MCHR1: variants seen among roughly 807,000 people sequenced by gnomAD.
MCHR1 encodes melanin concentrating hormone receptor 1.
MCHR1 carries 13 observed loss-of-function variants against 20.4 expected under a neutral mutation model. The ratio of observed to expected loss-of-function variants is 0.64; its 90% CI spans 0.41 to 1.01. The LOEUF is 1.01. Ranked by LOEUF, MCHR1 falls within the 50% of genes least tolerant of loss-of-function variation. The probability of loss-of-function intolerance (pLI) is 0.00; values close to 1 mark genes in which losing one functional copy is unlikely to be tolerated. For missense variants in MCHR1, 472 were observed against 477.0 expected, an observed-to-expected ratio of 0.99 and a Z score of 0.10; for synonymous variants, 215 against 204.4, an observed-to-expected ratio of 1.05 and a Z score of -0.44.
chr22:40,679,533 C>CTTT lies in MCHR1; in HGVS notation c.-118_-117insTTT. The CTTT allele has an allele frequency of 6.2e-7, 1 of 1,613,934 alleles. No homozygotes were observed. The highest frequency in any genetic ancestry group is 8.5e-7 in the Non-Finnish European group (1 of 1,179,872). The stretch of plus-strand genomic sequence containing the variant: ...CTGCCAGGCTACGGAGGAAGACCCC[C>CTTT]TTCCCAACTGCGGGGCTTGCGCTCC... On this transcript the variant is annotated 5_prime_UTR_variant, in exon 1 of 2. Coordinates refer to ENST00000249016, the MANE Select transcript of MCHR1 (RefSeq NM_005297.4).
At chr22:40,680,181 A>T (rs1042796797) in intron 1 of MCHR1, 1 of 273,952 alleles carries the variant, frequency 3.7e-6, no homozygotes, top group Non-Finnish European at 7.1e-6. Flanking sequence ...TGGGAAGGGA[A>T]GACTTCACAG....
chr22:40,681,520 C>T lies in MCHR1; in HGVS notation c.654C>T (p.Ala218=). The T allele has an allele frequency of 6.2e-7, 1 of 1,612,528 alleles. No homozygotes were observed. Among genetic ancestry groups the T allele is most frequent in the South Asian group, 1.1e-5 (1 of 91,090 alleles). Residue 218 remains alanine (A), a synonymous_variant, in exon 2 of 2, where the codon GCC becomes GCT. Transcript: ENST00000249016. The surrounding 1 kb of genome is among the most constrained non-coding windows in gnomAD (Gnocchi z 4.3). Reference sequence around the variant, plus strand: ...TGTACCAGTTTTTCCTGGCCTTTGCCCTGCCTTTTGTGGTCATCACAGCCG... The same window carrying T: ...TGTACCAGTTTTTCCTGGCCTTTGCTCTGCCTTTTGTGGTCATCACAGCCG... The part of the protein sequence containing the change: ...FTLYQFFLAF[A]LPFVVITAAY...
chr22:40,679,666 C>G lies in MCHR1; in HGVS notation c.14C>G (p.Ala5Gly). MDLE[A>G]SLLPTGPNAS... ...GGCACTGGCTGGATGGACCTGGAAG[C>G]CTCGCTGCTGCCCACTGGTCCCAAC... is the stretch of plus-strand genomic sequence containing the variant. The change falls in exon 1 of 2, where the codon GCC (alanine) becomes GGC (glycine). Residue 5 changes from alanine (A) to glycine (G), a missense_variant. Ala to Gly is a moderately conservative substitution (Grantham distance 60). Transcript: ENST00000249016. 6.2e-7 allele frequency: 1 copy of G among 1,614,108 alleles called. No homozygotes were observed. Among genetic ancestry groups the G allele is most frequent in the Non-Finnish European group, 8.5e-7 (1 of 1,179,998 alleles).
Position 40,682,714 on chromosome 22 carries a change from T to C in MCHR1, c.*786T>C, listed in dbSNP as rs111800111. The C allele has an allele frequency of 5.9e-3, 899 of 152,664 alleles. 8 individuals are homozygous for C. The highest frequency in any genetic ancestry group is 0.051 in the Middle Eastern group (15 of 294). 9.5% of individuals were successfully genotyped at this position (152,664 alleles called of 1,614,324 possible). On this transcript the variant is annotated 3_prime_UTR_variant, in exon 2 of 2. Coordinates refer to ENST00000249016, the MANE Select transcript of MCHR1 (RefSeq NM_005297.4). The stretch of plus-strand genomic sequence containing the variant: ...AGCTTGAGTGTCCGTGTGTTCTGCA[T>C]GTGCAGGGGTCATTCTAGTGCCCGG...
chr22:40,682,034 G>A lies in MCHR1; in HGVS notation c.*106G>A, dbSNP rs202246073. ...ACCGCTCGGGAAATGCAGGAAGGCC[G>A]GGTTGTGAGGGGTTGTTGCAATGAA... On this transcript the variant is annotated 3_prime_UTR_variant, in exon 2 of 2. Transcript: ENST00000249016. 1.3e-5 allele frequency: 17 copies of A among 1,359,052 alleles called. No homozygotes were observed. The highest frequency in any genetic ancestry group is 5.8e-5 in the Admixed American group (3 of 51,696). The allele number at this position is 1,359,052 out of a possible 1,614,324, so 84.2% of individuals were successfully genotyped here. A position where few individuals can be genotyped will look rare whatever the true frequency, so the allele number is the denominator to read the frequency against.
In MCHR1 at chr22:40,681,121, C is replaced by T; in HGVS notation, c.255C>T (p.Leu85=). The T allele has an allele frequency of 6.2e-7, 1 of 1,614,164 alleles. No homozygotes were observed. The highest frequency in any genetic ancestry group is 8.5e-7 in the Non-Finnish European group (1 of 1,180,028). ...NNVPDIFIIN[L]SVVDLLFLLG... ...TCCCCGACATCTTCATCATCAACCTCTCGGTAGTAGATCTCCTCTTTCTCC... is the reference window on the plus strand; with the variant it reads ...TCCCCGACATCTTCATCATCAACCTTTCGGTAGTAGATCTCCTCTTTCTCC... Residue 85 remains leucine, a synonymous_variant, in exon 2 of 2, where the codon CTC becomes CTT. Coordinates refer to ENST00000249016, the MANE Select transcript of MCHR1 (RefSeq NM_005297.4). This position sits in a 1 kb window ranked among gnomAD's most constrained non-coding sequence, Gnocchi z 4.3.
chr22:40,680,109 C>T, intron 1 of MCHR1: 1 of 358,412 alleles, frequency 2.8e-6, no homozygotes, highest in Non-Finnish European at 5.4e-6. Flanking sequence ...TTAGCCTCAG[C>T]TTTTTACTCC....
rs201175233 is a variant in MCHR1, at chr22:40,681,883, C to T, written c.1017C>T (p.Asn339=). ...AGGGGCAGCTTCGCGCTGTCAGCAA[C>T]GCTCAGACGGCTGACGAGGAGAGGA... ...AAQGQLRAVS[N]AQTADEERTE... Residue 339 remains asparagine, a synonymous_variant, in exon 2 of 2, where the codon AAC becomes AAT. Coordinates refer to ENST00000249016, the MANE Select transcript of MCHR1 (RefSeq NM_005297.4). This position sits in a 1 kb window ranked among gnomAD's most constrained non-coding sequence, Gnocchi z 4.3. The T allele has an allele frequency of 4.0e-5, 64 of 1,612,838 alleles. No homozygotes were observed. Among genetic ancestry groups the T allele is most frequent in the South Asian group, 1.1e-4 (10 of 91,086 alleles).
rs146628737 is a variant in MCHR1, at chr22:40,679,584, C to G, written c.-69C>G. On this transcript the variant is annotated 5_prime_UTR_variant, in exon 1 of 2. Transcript: ENST00000249016. ...GGGACAAGGTGGCAGGCGCTGGAGG[C>G]TGCCGCAGCCTGCGTGGGTGGAGGG... 9.3e-5 allele frequency: 150 copies of G among 1,613,704 alleles called. No individual in the cohort carries two copies. In the African/African-American group the frequency reaches 1.7e-3, roughly 18 times the overall value.
chr22:40,679,498 G>A lies in MCHR1; in HGVS notation c.-155G>A. The A allele has an allele frequency of 6.2e-7, 1 of 1,614,150 alleles. No homozygotes were observed. The highest frequency in any genetic ancestry group is 1.1e-5 in the South Asian group (1 of 91,078). On this transcript the variant is annotated 5_prime_UTR_variant, in exon 1 of 2. Transcript: ENST00000249016. The stretch of plus-strand genomic sequence containing the variant: ...GTGGGGAGGGCAGTTGGGCTTGGAG[G>A]CGGCAGCGGCTGCCAGGCTACGGAG...
At chr22:40,680,061 G>A (rs2147489302) in intron 1 of MCHR1, 2 of 433,656 alleles carry the variant, frequency 4.6e-6, no homozygotes, top group Admixed American at 3.5e-5. Context: ...GCTGGAGGGT[G>A]GTATGTGGGA....
intron 1 of MCHR1, chr22:40,680,671 C>A: frequency 1.4e-6 from 1 of 698,188 alleles, no homozygotes; most frequent in Non-Finnish European, 1.8e-6. Flanking sequence ...ACAGAGTAAT[C>A]TCTGCAGACA....
In MCHR1 at chr22:40,680,121, A is replaced by T. The variant is rs527781127; in HGVS notation, c.82+387A>T. On this transcript the variant is annotated intron_variant, in intron 1 of 1. Coordinates refer to ENST00000249016, the MANE Select transcript of MCHR1 (RefSeq NM_005297.4). ...CTGTTAGCCTCAGCTTTTTACTCCC[A>T]CTTGGATGATGAGGTCTGAGACATC... 1.4e-5 allele frequency: 5 copies of T among 348,458 alleles called. No homozygotes were observed. The East Asian group carries it at 3.6e-4, about 25-fold the overall frequency. 21.6% of individuals were successfully genotyped at this position (348,458 alleles called of 1,614,324 possible). A position where few individuals can be genotyped will look rare whatever the true frequency, so the allele number is the denominator to read the frequency against.
At position 40,679,624 on chromosome 22, in the gene MCHR1, TG is replaced by T. The variant is rs1177916673; in HGVS notation, c.-28del. ...TGGGTGGAGGGGAGCTCAGCTCGGT[TG>T]TGGGAGCAGGCGACCGGCACTGGCT... On this transcript the variant is annotated 5_prime_UTR_variant, in exon 1 of 2. Coordinates refer to ENST00000249016, the MANE Select transcript of MCHR1 (RefSeq NM_005297.4). 1.2e-6 allele frequency: 2 copies of T among 1,613,714 alleles called. No individual in the cohort carries two copies. Among genetic ancestry groups the T allele is most frequent in the Non-Finnish European group, 1.7e-6 (2 of 1,179,868 alleles).
Position 40,681,241 on chromosome 22 carries a change from T to C in MCHR1, c.375T>C (p.Asn125=), listed in dbSNP as rs1161808501. Residue 125 remains asparagine, a synonymous_variant, in exon 2 of 2, where the codon AAT becomes AAC. Transcript: ENST00000249016. The surrounding 1 kb of genome is among the most constrained non-coding windows in gnomAD (Gnocchi z 4.3). ...MCTLITAMDA[N]SQFTSTYILT... is the part of the protein sequence containing the mutation. ...CCCTCATCACGGCCATGGATGCCAATAGTCAGTTCACCAGCACCTACATCC... is the reference window on the plus strand; with the variant it reads ...CCCTCATCACGGCCATGGATGCCAACAGTCAGTTCACCAGCACCTACATCC... 3 of 1,613,958 alleles carry C rather than the reference T, an allele frequency of 1.9e-6. No individual in the cohort carries two copies. The highest frequency in any genetic ancestry group is 4.5e-5 in the East Asian group (2 of 44,888).
intron 1 of MCHR1, 81 bp downstream of exon 1, chr22:40,679,815 G>A: frequency 6.7e-7 from 1 of 1,483,494 alleles, no homozygotes; most frequent in Non-Finnish European, 9.4e-7. Flanking sequence ...AACTGCTTGG[G>A]AAACTTTATC....
intron 1 of MCHR1, among the ~76,000 whole-genome samples, chr22:40,680,550 G>A (rs561373290): frequency 1.1e-4 from 16 of 149,900 alleles, no homozygotes; most frequent in Middle Eastern, 3.4e-3. Context: ...GAAACACTCA[G>A]GGCTACACAT....
At position 40,679,538 on chromosome 22, in the gene MCHR1, C is replaced by CG. The variant is rs2056867983; in HGVS notation, c.-115_-114insG. 5.0e-6 allele frequency: 8 copies of CG among 1,613,786 alleles called. No individual in the cohort carries two copies. The African/African-American group carries it at 6.7e-5, about 13-fold the overall frequency. On this transcript the variant is annotated 5_prime_UTR_variant, in exon 1 of 2. Transcript: ENST00000249016. ...AGGCTACGGAGGAAGACCCCCTTCC[C>CG]AACTGCGGGGCTTGCGCTCCGGGAC... is the stretch of plus-strand genomic sequence containing the variant.
At position 40,679,573 on chromosome 22, in the gene MCHR1, G is replaced by GGC. The variant is rs759878417; in HGVS notation, c.-77_-76dup. The GGC allele has an allele frequency of 4.3e-6, 7 of 1,613,594 alleles. No individual in the cohort carries two copies. The Middle Eastern group carries it at 9.9e-4, about 227-fold the overall frequency. The stretch of plus-strand genomic sequence containing the variant: ...GCTTGCGCTCCGGGACAAGGTGGCA[G>GGC]GCGCTGGAGGCTGCCGCAGCCTGCG... On this transcript the variant is annotated 5_prime_UTR_variant, in exon 1 of 2. Transcript: ENST00000249016.
Sources: gnomAD v4.1 joint callset for allele counts (sites outside exome capture counted in the v4.1 genomes callset) on GRCh38, gnomAD v4.1.1 for gene constraint, Gnocchi (gnomAD v3.1) non-coding constraint, MANE v1.5 for transcripts, NCBI Gene and HGNC (gene_info 2026-07-23, HGNC 2026-07-21) for gene names.